The following KYAT3 variants were observed in gnomAD, a reference collection of about 807,000 sequenced individuals.
KYAT3 encodes the protein kynurenine aminotransferase 3, also known as kynurenine--oxoglutarate transaminase 3.
KYAT3 carries 50 observed loss-of-function variants against 59.0 expected under a neutral mutation model. That is an observed-to-expected ratio of 0.85 (90% CI 0.68 to 1.07). The LOEUF is 1.07. KYAT3 is among the 50% of genes least tolerant of loss of function. KYAT3 has a pLI of 0.00. For missense variants in KYAT3, 497 were observed against 533.3 expected (o/e 0.93, Z 0.67); for synonymous variants, 148 against 177.0 (o/e 0.84, Z 1.30).
intron 9 of KYAT3, among the ~76,000 whole-genome samples, chr1:88,954,633 G>A (rs75868492): frequency 2.6e-5 from 4 of 152,032 alleles, no homozygotes; most frequent in Non-Finnish European, 5.9e-5. Context: ...TTTTTCTTAT[G>A]TTTAAAGAAA....
intron 9 of KYAT3, among the ~76,000 whole-genome samples, 180 bp downstream of exon 9, chr1:88,954,969 T>G (rs1286679896): frequency 6.6e-6 from 1 of 152,150 alleles, no homozygotes; most frequent in African/African-American, 2.4e-5. Flanking sequence ...TCTCACCATG[T>G]AGCCAAGGTT....
the KYAT3 span, among the ~76,000 whole-genome samples, chr1:88,926,057 T>G: frequency 2.6e-5 from 4 of 152,188 alleles, no homozygotes; most frequent in African/African-American, 9.7e-5. Flanking sequence ...CAGCAACTGC[T>G]TTGCTAACAG....
chr1:88,987,856 T>A (rs1677555732), intron 2 of KYAT3, among the ~76,000 whole-genome samples: 1 of 152,240 alleles, frequency 6.6e-6, no homozygotes. Context: ...TCTTTCTGCA[T>A]TTTGGTTGAC....
At chr1:88,950,185 G>A (rs550668223) in intron 10 of KYAT3, among the ~76,000 whole-genome samples, 1 of 152,302 alleles carries the variant, frequency 6.6e-6, no homozygotes, top group South Asian at 2.1e-4. Context: ...AATTTCTGTT[G>A]TTTATAAGCC....
downstream of KYAT3, among the ~76,000 whole-genome samples, chr1:88,931,977 T>C (rs537466089): frequency 6.6e-6 from 1 of 150,924 alleles, no homozygotes; most frequent in Non-Finnish European, 1.5e-5. Context: ...AATGATTCTG[T>C]CTCTTGAATC....
At chr1:88,971,169 G>T (rs1676542230) in intron 2 of KYAT3, among the ~76,000 whole-genome samples, 1 of 152,128 alleles carries the variant, frequency 6.6e-6, no homozygotes. Flanking sequence ...AAACACAAAG[G>T]ATGATTTATA....
intron 9 of KYAT3, 56 bp downstream of exon 9, chr1:88,955,093 A>C: frequency 8.3e-7 from 1 of 1,208,418 alleles, no homozygotes; most frequent in African/African-American, 1.5e-5. Flanking sequence ...CCACTCAACA[A>C]AAAATAAATA....
intron 2 of KYAT3, among the ~76,000 whole-genome samples, chr1:88,984,334 C>T (rs1045590102): frequency 6.6e-6 from 1 of 150,906 alleles, no homozygotes; most frequent in Non-Finnish European, 1.5e-5. Context: ...TGTGCCTCAG[C>T]CACCTGAGTA....
rs775764825 is a variant in KYAT3, at chr1:88,961,264, T to C, written c.690A>G (p.Gln230=). 6.2e-7 allele frequency: 1 copy of C among 1,613,698 alleles called. No individual in the cohort carries two copies. The highest frequency in any genetic ancestry group is 2.2e-5 in the East Asian group (1 of 44,824). The change falls in exon 8 of 14, where the codon CAA becomes CAG. Residue 230 remains glutamine (Q), a synonymous_variant. Coordinates refer to ENST00000260508, the MANE Select transcript of KYAT3 (RefSeq NM_001008661.3). ...ATTTGATGCAAAGGTCAGCAATTAC[T>C]TGCAGTTCCTCTCTGTTATACACCT... ...LGKVYNREEL[Q]VIADLCIKYD...
chr1:88,937,245 G>C (rs533125103), intron 13 of KYAT3, among the ~76,000 whole-genome samples: 3 of 152,272 alleles, frequency 2.0e-5, no homozygotes, highest in African/African-American at 7.2e-5. Flanking sequence ...GAGGATGACA[G>C]GACAGGTCGG....
chr1:88,982,877 C>A (rs764148399), intron 2 of KYAT3: 1 of 1,613,994 alleles, frequency 6.2e-7, no homozygotes, highest in East Asian at 2.2e-5. Context: ...ATATCCATCA[C>A]GTGAGCTGCT....
chr1:88,945,417 CTG>C lies in KYAT3; in HGVS notation c.1142-1996_1142-1995del, dbSNP rs1274907695. Among the ~76,000 whole-genome samples, 3 of 152,266 alleles carry C rather than the reference CTG, an allele frequency of 2.0e-5. No homozygotes were observed. In the East Asian group the frequency reaches 5.8e-4, roughly 29 times the overall value. ...GGATCCTATTATTTCACTAGAAAAA[CTG>C]TAATAATCTCATTTGAAATCTTGTC... On this transcript the variant is annotated intron_variant, in intron 11 of 13. Transcript: ENST00000260508.
At chr1:88,962,221 C>A in intron 5 of KYAT3, 76 bp from the exon 6 acceptor site, 1 of 1,084,514 alleles carries the variant, frequency 9.2e-7, no homozygotes, top group Non-Finnish European at 1.4e-6. Flanking sequence ...CTACTATGGG[C>A]TAGGCACTGT....
At chr1:88,959,031 C>T (rs1419238760) in intron 8 of KYAT3, among the ~76,000 whole-genome samples, 1 of 152,026 alleles carries the variant, frequency 6.6e-6, no homozygotes, top group Admixed American at 6.6e-5. Flanking sequence ...TAATCACAGC[C>T]CTTTGGGAGG....
intron 2 of KYAT3, among the ~76,000 whole-genome samples, chr1:88,973,294 T>C (rs1002678762): frequency 6.6e-6 from 1 of 152,220 alleles, no homozygotes; most frequent in South Asian, 2.1e-4. Flanking sequence ...ACTGCTGTTA[T>C]TTAGTAAGCC....
chr1:88,979,875 C>T (rs1676992706), intron 2 of KYAT3: 5 of 152,170 alleles, frequency 3.3e-5, no homozygotes, highest in Admixed American at 3.3e-4. Context: ...ACAAATGTTC[C>T]TAACAGTTTT....
intron 5 of KYAT3, among the ~76,000 whole-genome samples, chr1:88,963,496 G>C (rs150583038): frequency 3.2e-4 from 49 of 152,284 alleles, no homozygotes; most frequent in African/African-American, 1.1e-3. Flanking sequence ...GTATGATAAA[G>C]GGTTATGAGA....
the KYAT3 span, among the ~76,000 whole-genome samples, chr1:88,924,935 C>T: frequency 6.6e-6 from 1 of 152,148 alleles, no homozygotes; most frequent in Non-Finnish European, 1.5e-5. Context: ...TCCGTGAGGC[C>T]AAGAACCCCA....
Position 88,964,906 on chromosome 1 carries a change from T to C in KYAT3, c.376A>G (p.Lys126Glu). Residue 126 changes from lysine (K) to glutamate (E), a missense_variant, in exon 5 of 14, where the codon AAA becomes GAA. Physicochemically the swap from Lys to Glu is moderately conservative, Grantham distance 56 (BLOSUM62 1). Transcript: ENST00000260508. ...GCTCCTACTGTCACAAGGATTTCTT[T>C]ATTTGAATCAATTTGCTTTTGATAA... is the stretch of plus-strand genomic sequence containing the variant. ...KLYQKQIDSN[K>E]EILVTVGAYG... is the part of the protein sequence containing the mutation. 1 of 1,610,264 alleles carries C rather than the reference T, an allele frequency of 6.2e-7. No homozygotes were observed. Among genetic ancestry groups the C allele is most frequent in the Non-Finnish European group, 8.5e-7 (1 of 1,178,770 alleles).
Sources: allele counts gnomAD v4.1 joint callset (sites outside exome capture counted in the v4.1 genomes callset), GRCh38; gene constraint gnomAD v4.1.1; transcripts MANE v1.5; gene names NCBI Gene and HGNC (gene_info 2026-07-23, HGNC 2026-07-21).